The following TNRC6C variants were observed in gnomAD, a reference collection of about 807,000 sequenced individuals.
TNRC6C encodes the protein trinucleotide repeat containing adaptor 6C, also known as trinucleotide repeat-containing gene 6C protein.
TNRC6C carries 20 observed loss-of-function variants against 153.7 expected under a neutral mutation model. The observed-to-expected ratio is 0.13, with a 90% CI of 0.09 to 0.19. The LOEUF (loss-of-function observed/expected upper bound fraction) is 0.19, where lower values mean the gene tolerates loss of function less well. Ranked by LOEUF, TNRC6C falls within the 10% of genes least tolerant of loss-of-function variation. The pLI is 1.00. For synonymous variants in TNRC6C, 811 were observed against 841.4 expected, an observed-to-expected ratio of 0.96 and a Z score of 0.63; for missense variants, 1,987 against 2,172.0, an observed-to-expected ratio of 0.91 and a Z score of 1.69.
intron 1 of TNRC6C, among the ~76,000 whole-genome samples, chr17:77,964,384 C>T (rs1184012541): frequency 6.6e-6 from 1 of 152,146 alleles, no homozygotes; most frequent in African/African-American, 2.4e-5. Context: ...GTGGTTGAGT[C>T]CTTTACTAAT....
At chr17:78,065,524 C>G (rs778948539) in intron 4 of TNRC6C, among the ~76,000 whole-genome samples, 1 of 152,228 alleles carries the variant, frequency 6.6e-6, no homozygotes, top group Non-Finnish European at 1.5e-5. Flanking sequence ...ACCCACACTA[C>G]TTCAGCAGTA....
intron 3 of TNRC6C, among the ~76,000 whole-genome samples, chr17:78,054,698 A>G (rs940158291): frequency 3.3e-5 from 5 of 152,016 alleles, no homozygotes; most frequent in African/African-American, 4.8e-5. Flanking sequence ...ACTACTGTAG[A>G]CTACTATACA....
At chr17:78,028,185 G>A (rs751323522) in intron 1 of TNRC6C, among the ~76,000 whole-genome samples, 2 of 152,094 alleles carry the variant, frequency 1.3e-5, no homozygotes, top group Admixed American at 6.5e-5. Flanking sequence ...GTGAGCCATC[G>A]CCCCCCGCTG....
At chr17:78,080,494 G>T (rs894700275) in intron 10 of TNRC6C, among the ~76,000 whole-genome samples, 1 of 152,160 alleles carries the variant, frequency 6.6e-6, no homozygotes, top group Admixed American at 6.6e-5. Context: ...TAAGGAAAAG[G>T]ATATTGCTGT....
upstream of TNRC6C, among the ~76,000 whole-genome samples, chr17:77,958,258 C>G (rs1377304035): frequency 6.6e-6 from 1 of 151,956 alleles, no homozygotes; most frequent in Non-Finnish European, 1.5e-5. Flanking sequence ...GGATCGGCAC[C>G]CCTCCCGCCA....
chr17:78,015,529 T>G (rs2071711421), intron 1 of TNRC6C, among the ~76,000 whole-genome samples: 1 of 152,220 alleles, frequency 6.6e-6, no homozygotes, highest in Admixed American at 6.5e-5. Flanking sequence ...TGAGGATCCT[T>G]TTAACAGTAA....
At chr17:78,010,723 T>C (rs2143355458) in intron 1 of TNRC6C, among the ~76,000 whole-genome samples, 1 of 152,336 alleles carries the variant, frequency 6.6e-6, no homozygotes, top group East Asian at 1.9e-4. Context: ...TCTTTAGCTA[T>C]GTTGCTTTAT....
chr17:77,969,756 G>T (rs2070926128), intron 1 of TNRC6C, among the ~76,000 whole-genome samples: 1 of 151,824 alleles, frequency 6.6e-6, no homozygotes, highest in South Asian at 2.1e-4. Context: ...GACAAGCAGA[G>T]ATCTCACGGA....
chr17:78,063,845 TCA>T (rs938504626), intron 3 of TNRC6C, among the ~76,000 whole-genome samples: 1 of 152,190 alleles, frequency 6.6e-6, no homozygotes, highest in Non-Finnish European at 1.5e-5. Context: ...TATTTGCAAC[TCA>T]CAAATTTTTC....
chr17:78,062,866 A>G (rs2072795987), intron 3 of TNRC6C, among the ~76,000 whole-genome samples: 1 of 152,200 alleles, frequency 6.6e-6, no homozygotes. Flanking sequence ...CAGAAGCCTT[A>G]TTGATAGCAG....
In TNRC6C at chr17:78,104,918, C is replaced by T. The variant is rs1023084929; in HGVS notation, c.*73C>T. The T allele has an allele frequency of 6.5e-6, 9 of 1,375,690 alleles. No homozygotes were observed. The highest frequency in any genetic ancestry group is 1.5e-5 in the African/African-American group (1 of 65,414). 85.2% of individuals were successfully genotyped at this position (1,375,690 alleles called of 1,614,324 possible). On this transcript the variant is annotated 3_prime_UTR_variant, in exon 20 of 20. Coordinates refer to ENST00000301624, the Ensembl canonical transcript of TNRC6C. This position sits in a 1 kb window ranked among gnomAD's most constrained non-coding sequence, Gnocchi z 6.2. Reference sequence around the variant, plus strand: ...TCCCGGCTGGGCGGCCCCACAGACCCGCTGGAACCCAGCAGCGGCCGCCCT... The same window carrying T: ...TCCCGGCTGGGCGGCCCCACAGACCTGCTGGAACCCAGCAGCGGCCGCCCT...
chr17:78,034,043 T>A (rs751239527), intron 2 of TNRC6C, among the ~76,000 whole-genome samples: 1 of 152,096 alleles, frequency 6.6e-6, no homozygotes, highest in African/African-American at 2.4e-5. Flanking sequence ...CCGCCTACTC[T>A]CCATGGCCTA....
chr17:77,964,200 A>G (rs1443629209), intron 1 of TNRC6C, among the ~76,000 whole-genome samples: 1 of 152,210 alleles, frequency 6.6e-6, no homozygotes, highest in Non-Finnish European at 1.5e-5. Context: ...ATCTATTTGT[A>G]TAAATCCAAA....
chr17:78,008,753 T>A (rs2071568213), intron 1 of TNRC6C: 1 of 152,232 alleles, frequency 6.6e-6, no homozygotes, highest in South Asian at 2.1e-4. Context: ...AAAAGTTATA[T>A]ATTCTGATTG....
At chr17:78,100,770 C>CTTTTTTT (rs56816459) in intron 17 of TNRC6C, among the ~76,000 whole-genome samples, 11 of 104,030 alleles carry the variant, frequency 1.1e-4, no homozygotes, top group African/African-American at 2.7e-4. Flanking sequence ...ATGGGATTTC[C>CTTTTTTT]TTTTTTTTTT....
At chr17:78,096,310 G>T (rs2073484906) in intron 16 of TNRC6C, among the ~76,000 whole-genome samples, 1 of 151,940 alleles carries the variant, frequency 6.6e-6, no homozygotes. Flanking sequence ...TGCCTGTGGG[G>T]TACTGTGCTC....
At chr17:77,969,028 C>T (rs1191911804) in intron 1 of TNRC6C, among the ~76,000 whole-genome samples, 1 of 152,166 alleles carries the variant, frequency 6.6e-6, no homozygotes, top group East Asian at 1.9e-4. Flanking sequence ...CAGCCCACAG[C>T]TGGTGAAAGG....
intron 13 of TNRC6C, among the ~76,000 whole-genome samples, chr17:78,087,398 G>T (rs1443757590): frequency 6.6e-5 from 10 of 152,136 alleles, no homozygotes; most frequent in Non-Finnish European, 1.5e-5. Context: ...GTTTATAGGT[G>T]TGAGCCACCA....
intron 7 of TNRC6C, among the ~76,000 whole-genome samples, chr17:78,074,350 C>G (rs1188305925): frequency 2.6e-5 from 4 of 152,190 alleles, no homozygotes; most frequent in African/African-American, 9.7e-5. Flanking sequence ...AACAGTGCCC[C>G]AATTACTGAT....
Sources: gnomAD v4.1 joint callset for allele counts (sites outside exome capture counted in the v4.1 genomes callset) on GRCh38, gnomAD v4.1.1 for gene constraint, Gnocchi (gnomAD v3.1) non-coding constraint, MANE v1.5 for transcripts, NCBI Gene and HGNC (gene_info 2026-07-23, HGNC 2026-07-21) for gene names.